Variants in EPM2A observed in about 807,000 individuals in gnomAD.
The protein encoded by EPM2A is laforin.
EPM2A carries 21 observed loss-of-function variants against 26.5 expected under a neutral mutation model. The observed-to-expected ratio is 0.79, with a 90% confidence interval of 0.56 to 1.14. The LOEUF (loss-of-function observed/expected upper bound fraction) is 1.14, where lower values mean the gene tolerates loss of function less well. Ranked by LOEUF, EPM2A falls within the 50% of genes most tolerant of loss-of-function variation. EPM2A has a pLI of 0.00. For synonymous variants in EPM2A, 217 were observed against 177.6 expected (o/e 1.22, Z -1.76); for missense variants, 458 against 440.8 (o/e 1.04, Z -0.35).
At chr6:145,705,288 AAAAC>A (rs534811242) in intron 1 of EPM2A, among the ~76,000 whole-genome samples, 84 of 152,300 alleles carry the variant, frequency 5.5e-4, no homozygotes, top group South Asian at 8.3e-4. Flanking sequence ...GTCTCTACCA[AAAAC>A]AAACAAACAA....
At chr6:145,568,560 T>C (rs1409558897) in intron 2 of EPM2A, among the ~76,000 whole-genome samples, 3 of 152,240 alleles carry the variant, frequency 2.0e-5, no homozygotes, top group African/African-American at 4.8e-5. Flanking sequence ...CGACCTCAGA[T>C]GATCCACCTG....
At chr6:145,386,008 C>T (rs1417819135) in intron 4 of EPM2A, among the ~76,000 whole-genome samples, 2 of 152,006 alleles carry the variant, frequency 1.3e-5, no homozygotes, top group Non-Finnish European at 2.9e-5. Context: ...AAATGCATTC[C>T]AGTTTCTACT....
chr6:145,612,323 T>C (rs929238572), intron 2 of EPM2A, among the ~76,000 whole-genome samples: 1 of 152,096 alleles, frequency 6.6e-6, no homozygotes, highest in Non-Finnish European at 1.5e-5. Context: ...ATGGGTAAAA[T>C]GGGTAGAAAT....
chr6:145,467,763 T>C (rs1046280848), intron 4 of EPM2A, among the ~76,000 whole-genome samples: 1 of 152,128 alleles, frequency 6.6e-6, no homozygotes, highest in Non-Finnish European at 1.5e-5. Flanking sequence ...GGCTGATTTA[T>C]ATATCCTTCA....
downstream of EPM2A, among the ~76,000 whole-genome samples, chr6:145,623,424 G>A (rs1026737810): frequency 5.9e-5 from 9 of 152,170 alleles, no homozygotes; most frequent in African/African-American, 2.2e-4. Context: ...AGCATTCCAG[G>A]TAAAGAGAAC....
At chr6:145,446,936 C>A (rs903643491) in intron 4 of EPM2A, among the ~76,000 whole-genome samples, 1 of 151,984 alleles carries the variant, frequency 6.6e-6, no homozygotes, top group Non-Finnish European at 1.5e-5. Context: ...GTATTTTAAT[C>A]CAGCTTTAAC....
At chr6:145,641,962 A>G (rs1294883142) in intron 2 of EPM2A, among the ~76,000 whole-genome samples, 1 of 152,194 alleles carries the variant, frequency 6.6e-6, no homozygotes, top group Non-Finnish European at 1.5e-5. Context: ...GAATCCCATG[A>G]TGTAAGAGCA....
Position 145,625,755 on chromosome 6 carries a change from A to T in EPM2A, c.*1661T>A. 1 of 1,063,656 alleles carries T rather than the reference A, an allele frequency of 9.4e-7. No individual in the cohort carries two copies. Among genetic ancestry groups the T allele is most frequent in the Non-Finnish European group, 1.5e-6 (1 of 680,350 alleles). 65.9% of individuals were successfully genotyped at this position (1,063,656 alleles called of 1,614,324 possible). A position where few individuals can be genotyped will look rare whatever the true frequency, so the allele number is the denominator to read the frequency against. ...CCCAAAGCAAATGTCATCTCCCCTA[A>T]GTGCCACAGTTCTATCTCCCCGTCC... On this transcript the variant is annotated 3_prime_UTR_variant, in exon 4 of 4. Transcript: ENST00000367519.
At chr6:145,406,770 C>T (rs1282154166) in intron 4 of EPM2A, among the ~76,000 whole-genome samples, 1 of 152,130 alleles carries the variant, frequency 6.6e-6, no homozygotes, top group Admixed American at 6.6e-5. Context: ...CAATGGTTCT[C>T]AAAGTATTGA....
intron 4 of EPM2A, among the ~76,000 whole-genome samples, chr6:145,448,927 T>C (rs1218496234): frequency 6.6e-6 from 1 of 152,212 alleles, no homozygotes; most frequent in Non-Finnish European, 1.5e-5. Flanking sequence ...CAATATGAGA[T>C]TGCAGTGTAA....
At chr6:145,711,595 A>G (rs1018695419) in intron 1 of EPM2A, among the ~76,000 whole-genome samples, 2 of 152,200 alleles carry the variant, frequency 1.3e-5, no homozygotes, top group Admixed American at 1.3e-4. Context: ...TTAGCTTGAG[A>G]TAAGAAATGA....
At chr6:145,695,660 C>T (rs540724967) in intron 1 of EPM2A, among the ~76,000 whole-genome samples, 9 of 151,804 alleles carry the variant, frequency 5.9e-5, no homozygotes, top group African/African-American at 1.7e-4. Flanking sequence ...TTCTATCAGA[C>T]GAAAAAGACT....
intron 3 of EPM2A, 102 bp downstream of exon 3, chr6:145,635,143 T>C (rs1462429512): frequency 2.3e-6 from 3 of 1,325,586 alleles, no homozygotes; most frequent in East Asian, 4.7e-5. Context: ...ATTTATTCCA[T>C]TTCTACCATT....
chr6:145,524,175 T>C (rs1489070517), intron 2 of EPM2A, among the ~76,000 whole-genome samples: 1 of 152,210 alleles, frequency 6.6e-6, no homozygotes, highest in African/African-American at 2.4e-5. Flanking sequence ...TATATTTTCT[T>C]TATTCAATCC....
intron 4 of EPM2A, among the ~76,000 whole-genome samples, chr6:145,425,841 T>C (rs2136317): frequency 0.64 from 97,632 of 151,874 alleles, 33,042 homozygotes; most frequent in East Asian, 0.8. Flanking sequence ...GATATTCCTT[T>C]CCACTCACAA....
chr6:145,505,068 G>A (rs1779950649), intron 2 of EPM2A, among the ~76,000 whole-genome samples: 1 of 126,384 alleles, frequency 7.9e-6, no homozygotes. Flanking sequence ...ACACAGGAAG[G>A]GGAATATCAC....
chr6:145,705,380 T>A (rs900987933), intron 1 of EPM2A, among the ~76,000 whole-genome samples: 1 of 152,050 alleles, frequency 6.6e-6, no homozygotes, highest in Non-Finnish European at 1.5e-5. Flanking sequence ...GATATACACA[T>A]GCACACACAT....
At chr6:145,575,676 T>A (rs976056670) in intron 2 of EPM2A, among the ~76,000 whole-genome samples, 11 of 152,184 alleles carry the variant, frequency 7.2e-5, no homozygotes, top group African/African-American at 7.2e-5. Context: ...TTGCTTCTCA[T>A]GAGCAATGAA....
intron 4 of EPM2A, among the ~76,000 whole-genome samples, chr6:145,495,854 C>T (rs370538032): frequency 1.9e-4 from 29 of 152,284 alleles, no homozygotes; most frequent in African/African-American, 6.3e-4. Flanking sequence ...GGATTACAGG[C>T]GTGAGCCACT....
Sources: gnomAD v4.1 joint callset for allele counts (sites outside exome capture counted in the v4.1 genomes callset) on GRCh38, gnomAD v4.1.1 for gene constraint, MANE v1.5 for transcripts, NCBI Gene and HGNC (gene_info 2026-07-23, HGNC 2026-07-21) for gene names.